The following NAALADL2 variants were observed in gnomAD, a reference collection of about 807,000 sequenced individuals.
The protein encoded by NAALADL2 is N-acetylated alpha-linked acidic dipeptidase like 2.
Under a neutral mutation model 87.2 loss-of-function variants are expected in NAALADL2, and 76 were observed. The observed-to-expected ratio is 0.87, with a 90% CI of 0.72 to 1.05. The LOEUF is 1.05. NAALADL2 is among the 50% of genes least tolerant of loss of function. The probability of loss-of-function intolerance (pLI) is 0.00; values close to 1 mark genes in which losing one functional copy is unlikely to be tolerated. For synonymous variants in NAALADL2, 354 were observed against 331.0 expected (o/e 1.07, Z -0.75); for missense variants, 1,089 against 945.8 (o/e 1.15, Z -1.99).
chr3:174,877,037 C>T (rs547895613), intron 1 of NAALADL2, among the ~76,000 whole-genome samples: 1 of 152,000 alleles, frequency 6.6e-6, no homozygotes, highest in Non-Finnish European at 1.5e-5. Flanking sequence ...ACATGAATCT[C>T]ATTATGAGGG....
At chr3:175,188,909 CT>C (rs2109039592) in intron 2 of NAALADL2, among the ~76,000 whole-genome samples, 1 of 152,168 alleles carries the variant, frequency 6.6e-6, no homozygotes, top group Non-Finnish European at 1.5e-5. Context: ...CGAGATCACA[CT>C]TTTTTCCCAA....
intron 2 of NAALADL2, among the ~76,000 whole-genome samples, chr3:175,139,923 G>A (rs934433104): frequency 5.3e-5 from 8 of 152,040 alleles, no homozygotes; most frequent in East Asian, 3.8e-4. Context: ...TTTATATAGC[G>A]CTAATTGGGT....
At chr3:174,984,745 A>G (rs1394098452) in intron 1 of NAALADL2, among the ~76,000 whole-genome samples, 2 of 152,216 alleles carry the variant, frequency 1.3e-5, no homozygotes, top group Admixed American at 6.5e-5. Context: ...TGAAGAAGGT[A>G]AATGAACTCA....
chr3:174,998,840 A>G, intron 1 of NAALADL2, among the ~76,000 whole-genome samples: 1 of 152,184 alleles, frequency 6.6e-6, no homozygotes, highest in Non-Finnish European at 1.5e-5. Flanking sequence ...GGTCATGGCT[A>G]AAACCCAGTT....
intron 1 of NAALADL2, among the ~76,000 whole-genome samples, chr3:174,868,409 A>G (rs1036360094): frequency 1.3e-5 from 2 of 152,122 alleles, no homozygotes; most frequent in African/African-American, 4.8e-5. Flanking sequence ...TAAAAACATA[A>G]ATATGCCAAA....
intron 1 of NAALADL2, among the ~76,000 whole-genome samples, chr3:174,882,139 A>T (rs951067282): frequency 6.6e-6 from 1 of 152,054 alleles, no homozygotes; most frequent in African/African-American, 2.4e-5. Flanking sequence ...GTTAAGTAAG[A>T]TATTTGAATT....
intron 13 of NAALADL2, among the ~76,000 whole-genome samples, chr3:175,795,718 A>G (rs988190915): frequency 5.4e-5 from 8 of 148,828 alleles, no homozygotes; most frequent in Non-Finnish European, 1.0e-4. Context: ...AAAATAAATA[A>G]AAAAGAACAG....
intron 8 of NAALADL2, among the ~76,000 whole-genome samples, chr3:175,467,421 A>G (rs533799127): frequency 6.6e-6 from 1 of 152,302 alleles, no homozygotes; most frequent in South Asian, 2.1e-4. Context: ...ACCCTGATAC[A>G]GTCTAACACA....
intron 4 of NAALADL2, among the ~76,000 whole-genome samples, chr3:175,320,763 G>A (rs934028495): frequency 2.0e-5 from 3 of 151,862 alleles, no homozygotes; most frequent in Non-Finnish European, 2.9e-5. Context: ...CTCGACACAT[G>A]CACTCTCCCA....
At chr3:175,261,756 G>T (rs1264476866) in intron 4 of NAALADL2, among the ~76,000 whole-genome samples, 1 of 151,940 alleles carries the variant, frequency 6.6e-6, no homozygotes, top group African/African-American at 2.4e-5. Flanking sequence ...ACATTTTTGT[G>T]TATTCATCAG....
At chr3:175,619,261 AAG>A (rs200874947) in intron 10 of NAALADL2, among the ~76,000 whole-genome samples, 16,033 of 104,924 alleles carry the variant, frequency 0.15, 956 homozygotes, top group Non-Finnish European at 0.18. Context: ...GGAAGGAAGG[AAG>A]GAAGGAGAAG....
intron 9 of NAALADL2, among the ~76,000 whole-genome samples, chr3:175,516,779 G>C (rs990410715): frequency 7.2e-5 from 11 of 152,258 alleles, no homozygotes; most frequent in Admixed American, 6.5e-4. Flanking sequence ...ATAGCCATAA[G>C]AGGACTCAAT....
chr3:175,482,061 TG>T (rs1726556015), intron 9 of NAALADL2, among the ~76,000 whole-genome samples: 1 of 90,332 alleles, frequency 1.1e-5, no homozygotes, highest in African/African-American at 2.8e-5. Context: ...ACAGTACTAT[TG>T]GGAAAAAAAA....
At chr3:174,916,577 A>C (rs1734427439) in intron 1 of NAALADL2, among the ~76,000 whole-genome samples, 1 of 152,212 alleles carries the variant, frequency 6.6e-6, no homozygotes, top group African/African-American at 2.4e-5. Context: ...ACTTGGATGG[A>C]GCTAGAGGCC....
chr3:174,842,943 T>G (rs755217212), intron 3 of NAALADL2, among the ~76,000 whole-genome samples: 1 of 152,322 alleles, frequency 6.6e-6, no homozygotes, highest in Non-Finnish European at 1.5e-5. Context: ...GGATACTCTT[T>G]ACTACTGAGT....
At chr3:174,636,301 T>A (rs57859427) in intron 2 of NAALADL2, among the ~76,000 whole-genome samples, 1 of 152,120 alleles carries the variant, frequency 6.6e-6, no homozygotes, top group African/African-American at 2.4e-5. Context: ...AGCTAAGACC[T>A]CAAAAAGTAC....
At chr3:175,242,442 T>C (rs757534364) in intron 3 of NAALADL2, 12 of 152,222 alleles carry the variant, frequency 7.9e-5, no homozygotes, top group Non-Finnish European at 1.2e-4. Context: ...TGTGGAAAAG[T>C]TGATTCTTAG....
chr3:174,696,962 C>A (rs562054945), intron 2 of NAALADL2, among the ~76,000 whole-genome samples: 2 of 151,904 alleles, frequency 1.3e-5, no homozygotes, highest in Non-Finnish European at 2.9e-5. Context: ...AGAACAAGAA[C>A]AAGGCAAATC....
intron 3 of NAALADL2, among the ~76,000 whole-genome samples, chr3:174,766,440 G>T (rs1479394311): frequency 1.3e-5 from 2 of 152,188 alleles, no homozygotes; most frequent in Non-Finnish European, 2.9e-5. Context: ...AGTCAGAAAT[G>T]AAATACAGGT....
Sources: allele counts gnomAD v4.1 joint callset (sites outside exome capture counted in the v4.1 genomes callset), GRCh38; gene constraint gnomAD v4.1.1; transcripts MANE v1.5; gene names NCBI Gene and HGNC (gene_info 2026-07-23, HGNC 2026-07-21).